The following NKPD1 variants were observed in gnomAD, a reference collection of about 807,000 sequenced individuals.
NKPD1 encodes NTPase KAP family P-loop domain containing 1, also known as NTPase KAP family P-loop domain-containing protein 1.
In NKPD1, 37 loss-of-function variants were observed where a neutral mutation model predicts 42.2. That is an observed-to-expected ratio of 0.88 (90% CI 0.67 to 1.15). The LOEUF is 1.15. NKPD1 is among the 50% of genes most tolerant of loss of function. The pLI is 0.00. For synonymous variants in NKPD1, 552 were observed against 536.5 expected (o/e 1.03, Z -0.40); for missense variants, 1,113 against 1,174.6 (o/e 0.95, Z 0.77).
Position 45,152,092 on chromosome 19 carries a change from C to T in NKPD1, c.2345G>A (p.Arg782Gln). The T allele has an allele frequency of 6.2e-7, 1 of 1,606,178 alleles. No homozygotes were observed. The stretch of plus-strand genomic sequence containing the variant: ...GGGCGCCCTGGAGGCGCTGTTGGCC[C>T]GGTGGGCAGCGTGGGGGGTATCGCG... ...PTRDTPHAAHRANSASRAPPS... is the reference protein window; with the variant it reads ...PTRDTPHAAHQANSASRAPPS... The change falls in exon 5 of 5, where the codon CGG becomes CAG. Residue 782 changes from arginine to glutamine, a missense_variant. Physicochemically the swap from Arg to Gln is conservative, Grantham distance 43. Transcript: ENST00000686631.
chr19:45,151,863 C>G lies in NKPD1; in HGVS notation c.*75G>C. On this transcript the variant is annotated 3_prime_UTR_variant, in exon 5 of 5. Transcript: ENST00000686631. ...CTCATTCGGACCCTGGGTTGCGGCCCCAGTCCAGCCCCCTATTCTCCCATC... is the reference window on the plus strand; with the variant it reads ...CTCATTCGGACCCTGGGTTGCGGCCGCAGTCCAGCCCCCTATTCTCCCATC... The G allele has an allele frequency of 7.1e-7, 1 of 1,416,086 alleles. No homozygotes were observed. The highest frequency in any genetic ancestry group is 1.5e-5 in the South Asian group (1 of 65,378). 87.7% of individuals were successfully genotyped at this position (1,416,086 alleles called of 1,614,324 possible).
Position 45,160,100 on chromosome 19 carries a change from G to C in NKPD1, c.51C>G (p.Asn17Lys), listed in dbSNP as rs552095695. 7.7e-7 allele frequency: 1 copy of C among 1,304,920 alleles called. No individual in the cohort carries two copies. Among genetic ancestry groups the C allele is most frequent in the South Asian group, 1.2e-5 (1 of 80,946 alleles). The allele number at this position is 1,304,920 out of a possible 1,614,324, so 80.8% of individuals were successfully genotyped here. ...VHFAKDAQSP[N>K]GHYFWDPELG... ...ACTCTGGGTCCCAGAAGTAGTGCCC[G>C]TTGGGGCTCTGGGCATCCTTGGCGA... Residue 17 changes from asparagine (N) to lysine (K), a missense_variant, in exon 2 of 5, where the codon AAC becomes AAG. This residue lies in a region of NKPD1 where 204 missense variants were observed against 227.8 expected (regional missense o/e 0.90). Coordinates refer to ENST00000686631, the MANE Select transcript of NKPD1 (RefSeq NM_198478.4).
chr19:45,152,428 GC>G lies in NKPD1; in HGVS notation c.2008del (p.Ala670ArgfsTer35). 1 of 1,565,660 alleles carries G rather than the reference GC, an allele frequency of 6.4e-7. No homozygotes were observed. On this transcript the variant is annotated frameshift_variant, in exon 5 of 5. Coordinates refer to ENST00000686631, the MANE Select transcript of NKPD1 (RefSeq NM_198478.4). LOFTEE classifies it low-confidence loss of function (END_TRUNC). ...CTGCCGGTCCTCCAGGCACTGCAGC[GC>G]CCAGCTCAGGCGGCACGGCCACTGG... ...ANQWPCRLSW[A>X]LQCLEDRQQT...
In NKPD1 at chr19:45,155,852, G is replaced by GA; in HGVS notation, c.593dup (p.Val200CysfsTer83). The GA allele has an allele frequency of 2.3e-6, 3 of 1,305,380 alleles. No individual in the cohort carries two copies. Among genetic ancestry groups the GA allele is most frequent in the Non-Finnish European group, 3.0e-6 (3 of 988,914 alleles). The allele number at this position is 1,305,380 out of a possible 1,614,324, so 80.9% of individuals were successfully genotyped here. On this transcript the variant is annotated frameshift_variant, in exon 4 of 5. Coordinates refer to ENST00000686631, the MANE Select transcript of NKPD1 (RefSeq NM_198478.4). LOFTEE classifies it high-confidence loss of function. ...GGGCATAGAAACCCACGGTCACAGGGACCGGCACGTGGCAGAGTGTCTTGG... is the reference window on the plus strand; with the variant it reads ...GGGCATAGAAACCCACGGTCACAGGGAACCGGCACGTGGCAGAGTGTCTTGG...
At position 45,152,273 on chromosome 19, in the gene NKPD1, C is replaced by G. The variant is rs760952743; in HGVS notation, c.2164G>C (p.Glu722Gln). 1.2e-6 allele frequency: 2 copies of G among 1,609,988 alleles called. No individual in the cohort carries two copies. The highest frequency in any genetic ancestry group is 1.7e-6 in the Non-Finnish European group (2 of 1,178,816). The change falls in exon 5 of 5, where the codon GAG becomes CAG. Residue 722 changes from glutamate to glutamine, a missense_variant. By Grantham distance (29) the Glu-to-Gln change is conservative (BLOSUM62 2). Transcript: ENST00000686631. Reference sequence around the variant, plus strand: ...GGGAAGTCGGCGCCCAGGAAGCGCTCGAAGAGCTCGGGGTCGCCGTCCAGG... The same window carrying G: ...GGGAAGTCGGCGCCCAGGAAGCGCTGGAAGAGCTCGGGGTCGCCGTCCAGG... ...LDLDGDPELF[E>Q]RFLGADFPFT...
upstream of NKPD1, among the ~76,000 whole-genome samples, chr19:45,161,845 G>A (rs1969011769): frequency 6.6e-6 from 1 of 152,218 alleles, no homozygotes; most frequent in Non-Finnish European, 1.5e-5. Flanking sequence ...GACAGACGGG[G>A]TGCTCCGATG....
Position 45,158,774 on chromosome 19 carries a change from C to A in NKPD1, c.418G>T (p.Gly140Cys), listed in dbSNP as rs1386807101. The change falls in exon 3 of 5, where the codon GGC becomes TGC. Residue 140 changes from glycine to cysteine, a missense_variant. Physicochemically the swap from Gly to Cys is radical, Grantham distance 159. Around this residue, in one of 3 missense-constraint regions of NKPD1, gnomAD observed 204 missense variants for 227.8 expected, o/e 0.90. Coordinates refer to ENST00000686631, the MANE Select transcript of NKPD1 (RefSeq NM_198478.4). The surrounding 1 kb of genome is among the most constrained non-coding windows in gnomAD (Gnocchi z 4.6). ...CCAGCCGCGGAGGGTAGAGCTGGGC[C>A]ACTCCTGGCCATGGCTGGTGCCGTG... is the stretch of plus-strand genomic sequence containing the variant. Reference protein sequence around the residue: ...PTTAPAMARSGPALPSAAGVL... With the variant: ...PTTAPAMARSCPALPSAAGVL... 2.4e-6 allele frequency: 3 copies of A among 1,237,880 alleles called. No homozygotes were observed. The highest frequency in any genetic ancestry group is 3.1e-6 in the Non-Finnish European group (3 of 958,314). The allele number at this position is 1,237,880 out of a possible 1,614,324, so 76.7% of individuals were successfully genotyped here.
chr19:45,158,848 G>A lies in NKPD1; in HGVS notation c.344C>T (p.Thr115Ile), dbSNP rs1489643475. 4.7e-6 allele frequency: 6 copies of A among 1,283,698 alleles called. No individual in the cohort carries two copies. Among genetic ancestry groups the A allele is most frequent in the Non-Finnish European group, 6.1e-6 (6 of 979,168 alleles). The allele number at this position is 1,283,698 out of a possible 1,614,324, so 79.5% of individuals were successfully genotyped here. A position where few individuals can be genotyped will look rare whatever the true frequency, so the allele number is the denominator to read the frequency against. Residue 115 changes from threonine to isoleucine, a missense_variant, in exon 3 of 5, where the codon ACT becomes ATT. Coordinates refer to ENST00000686631, the MANE Select transcript of NKPD1 (RefSeq NM_198478.4). The surrounding 1 kb of genome is among the most constrained non-coding windows in gnomAD (Gnocchi z 4.6). Reference sequence around the variant, plus strand: ...GGCGCTGGCAGGTTCCTTGGGGACAGTGGAGGTTGCAGGCAGCCCCTTCTG... The same window carrying A: ...GGCGCTGGCAGGTTCCTTGGGGACAATGGAGGTTGCAGGCAGCCCCTTCTG... ...EAQKGLPATS[T>I]VPKEPASAPQ...
Position 45,152,225 on chromosome 19 carries a change from T to C in NKPD1, c.2212A>G (p.Ser738Gly). Residue 738 changes from serine (S) to glycine (G), a missense_variant, in exon 5 of 5, where the codon AGC becomes GGC. Ser to Gly is a moderately conservative substitution (Grantham distance 56, BLOSUM62 0). Transcript: ENST00000686631. ...AGGTTGACCGTGCAGCGCAGCAGGC[T>C]CTGCGCCTCGGCCACGGTGAAGGGG... ...DFPFTVAEAQ[S>G]LLRCTVNLDH... 6.2e-7 allele frequency: 1 copy of C among 1,604,030 alleles called. No homozygotes were observed. The highest frequency in any genetic ancestry group is 8.5e-7 in the Non-Finnish European group (1 of 1,176,352).
In NKPD1 at chr19:45,152,216, G is replaced by A. The variant is rs753849497; in HGVS notation, c.2221C>T (p.Arg741Cys). Residue 741 changes from arginine to cysteine, a missense_variant, in exon 5 of 5, where the codon CGC (arginine) becomes TGC (cysteine). By Grantham distance (180) the Arg-to-Cys change is radical (BLOSUM62 -3). Around this residue, in one of 3 missense-constraint regions of NKPD1, gnomAD observed 867 missense variants for 870.1 expected, o/e 1.00. Transcript: ENST00000686631. ...GAGTGGTCCAGGTTGACCGTGCAGC[G>A]CAGCAGGCTCTGCGCCTCGGCCACG... is the stretch of plus-strand genomic sequence containing the variant. ...FTVAEAQSLL[R>C]CTVNLDHSIR... The A allele has an allele frequency of 2.5e-6, 4 of 1,601,734 alleles. No homozygotes were observed. Among genetic ancestry groups the A allele is most frequent in the Non-Finnish European group, 3.4e-6 (4 of 1,175,410 alleles).
chr19:45,153,586 C>G lies in NKPD1; in HGVS notation c.851G>C (p.Trp284Ser). The G allele has an allele frequency of 6.4e-7, 1 of 1,565,946 alleles. No individual in the cohort carries two copies. The highest frequency in any genetic ancestry group is 8.7e-7 in the Non-Finnish European group (1 of 1,152,894). ...CAGCTTGTCGGTGCCCGCGTACTGCCAGGCGCTAAAGCGGATGAAAAGGAA... is the reference window on the plus strand; with the variant it reads ...CAGCTTGTCGGTGCCCGCGTACTGCGAGGCGCTAAAGCGGATGAAAAGGAA... ...VQFLFIRFSA[W>S]QYAGTDKLWA... is the part of the protein sequence containing the mutation. The change falls in exon 5 of 5, where the codon TGG becomes TCG. Residue 284 changes from tryptophan (W) to serine (S), a missense_variant. By Grantham distance (177) the Trp-to-Ser change is radical (BLOSUM62 -3). Coordinates refer to ENST00000686631, the MANE Select transcript of NKPD1 (RefSeq NM_198478.4).
At position 45,152,719 on chromosome 19, in the gene NKPD1, A is replaced by G. The variant is rs766991449; in HGVS notation, c.1718T>C (p.Leu573Pro). The G allele has an allele frequency of 1.3e-6, 2 of 1,571,570 alleles. No homozygotes were observed. Among genetic ancestry groups the G allele is most frequent in the Non-Finnish European group, 8.6e-7 (1 of 1,163,006 alleles). Residue 573 changes from leucine (L) to proline (P), a missense_variant, in exon 5 of 5, where the codon CTG (leucine) becomes CCG (proline). Physicochemically the swap from Leu to Pro is moderately conservative, Grantham distance 98. Around this residue, in one of 3 missense-constraint regions of NKPD1, gnomAD observed 867 missense variants for 870.1 expected, o/e 1.00. Coordinates refer to ENST00000686631, the MANE Select transcript of NKPD1 (RefSeq NM_198478.4). The stretch of plus-strand genomic sequence containing the variant: ...CCCCGCCTGCGCCTGCACCGCCAGC[A>G]GCTGCGCGCTCTCGCCCCCGGCGTC... ...PGDAGGESAQ[L>P]LAVQAQAGTE...
rs745469132 is a variant in NKPD1 at position 45,159,047 on chromosome 19, A to G, written c.145T>C (p.Cys49Arg). 5 of 1,300,376 alleles carry G rather than the reference A, an allele frequency of 3.8e-6. No homozygotes were observed. Among genetic ancestry groups the G allele is most frequent in the Admixed American group, 4.7e-5 (2 of 42,762 alleles). 80.6% of individuals were successfully genotyped at this position (1,300,376 alleles called of 1,614,324 possible). ...CAGTGTGATTGGGGGGAAGGCCGAC[A>G]GGGCCCATGGGCTCGGAGGGCCGCT... Reference protein sequence around the residue: ...DSAALRAHGPCRPSPQSHWQL... With the variant: ...DSAALRAHGPRRPSPQSHWQL... The change falls in exon 3 of 5, where the codon TGT (cysteine) becomes CGT (arginine). Residue 49 changes from cysteine to arginine, a missense_variant. This residue lies in a region of NKPD1 where 204 missense variants were observed against 227.8 expected (regional missense o/e 0.90). Coordinates refer to ENST00000686631, the MANE Select transcript of NKPD1 (RefSeq NM_198478.4).
intron 4 of NKPD1, 112 bp from the exon 5 acceptor site, chr19:45,153,887 G>A (rs920078755): frequency 3.5e-6 from 4 of 1,133,796 alleles, no homozygotes; most frequent in Non-Finnish European, 4.6e-6. Context: ...CCCAGCAGAG[G>A]CGAGGGGCTG....
rs1185949059 is a variant in NKPD1 at position 45,155,776 on chromosome 19, G to A, written c.661+9C>T. 8 of 1,298,324 alleles carry A rather than the reference G, an allele frequency of 6.2e-6. No individual in the cohort carries two copies. The highest frequency in any genetic ancestry group is 8.1e-6 in the Non-Finnish European group (8 of 983,256). The allele number at this position is 1,298,324 out of a possible 1,614,324, so 80.4% of individuals were successfully genotyped here. On this transcript the variant is annotated intron_variant, in intron 4 of 4. Transcript: ENST00000686631. ...ATCCTCCCCCCAACAAACACACACA[G>A]CTCCTCACCCGTGATCTTGTCCAGC...
intron 2 of NKPD1, 82 bp downstream of exon 2, chr19:45,159,978 G>C: frequency 2.7e-6 from 2 of 746,800 alleles, no homozygotes; most frequent in South Asian, 3.3e-5. Flanking sequence ...GGGGATGACA[G>C]CTCCCCTTCT....
Position 45,152,771 on chromosome 19 carries a change from T to A in NKPD1, c.1666A>T (p.Met556Leu). 6.3e-7 allele frequency: 1 copy of A among 1,598,590 alleles called. No individual in the cohort carries two copies. Among genetic ancestry groups the A allele is most frequent in the Non-Finnish European group, 8.5e-7 (1 of 1,174,244 alleles). The change falls in exon 5 of 5, where the codon ATG (methionine) becomes TTG (leucine). Residue 556 changes from methionine to leucine, a missense_variant. Met to Leu is a conservative substitution (Grantham distance 15). Transcript: ENST00000686631. ...QSRDDLLYRE[M>L]TRKPWLPGDA... ...CCCGGCAGCCACGGCTTGCGCGTCA[T>A]CTCGCGGTACAACAGGTCGTCGCGG...
rs752034506 is a variant in NKPD1 at position 45,153,725 on chromosome 19, C to G, written c.712G>C (p.Val238Leu). 23 of 1,523,744 alleles carry G rather than the reference C, an allele frequency of 1.5e-5. No homozygotes were observed. The highest frequency in any genetic ancestry group is 1.9e-5 in the Non-Finnish European group (22 of 1,128,836). The allele number at this position is 1,523,744 out of a possible 1,614,324, so 94.4% of individuals were successfully genotyped here. Residue 238 changes from valine to leucine, a missense_variant, in exon 5 of 5, where the codon GTG becomes CTG. Physicochemically the swap from Val to Leu is conservative, Grantham distance 32 (BLOSUM62 1). This residue lies in a region of NKPD1 where 867 missense variants were observed against 870.1 expected (regional missense o/e 1.00). Coordinates refer to ENST00000686631, the MANE Select transcript of NKPD1 (RefSeq NM_198478.4). ...AQRESEELQH[V>L]QWRPRAVSGW... ...CTCACGGCACGCGGCCGCCACTGCA[C>G]GTGCTGCAGCTCCTCGCTCTCGCGC...
At position 45,152,343 on chromosome 19, in the gene NKPD1, G is replaced by A. The variant is rs75611788; in HGVS notation, c.2094C>T (p.Ser698=). The part of the protein sequence containing the change: ...ARLWDVFRDN[S]RELHTMTKAL... ...CCTTGGTCATGGTGTGCAGCTCGCG[G>A]CTGTTGTCGCGGAAAACGTCCCAGA... Residue 698 remains serine (S), a synonymous_variant, in exon 5 of 5, where the codon AGC becomes AGT. Coordinates refer to ENST00000686631, the MANE Select transcript of NKPD1 (RefSeq NM_198478.4). 2,823 of 1,604,944 alleles carry A rather than the reference G, an allele frequency of 1.8e-3. 45 individuals are homozygous for A. The African/African-American group carries it at 0.033, about 19-fold the overall frequency.
Sources: gnomAD v4.1 joint callset for allele counts (sites outside exome capture counted in the v4.1 genomes callset) on GRCh38, gnomAD v4.1.1 for gene constraint, gnomAD v4.1.1 regional missense constraint, Gnocchi (gnomAD v3.1) non-coding constraint, MANE v1.5 for transcripts, NCBI Gene and HGNC (gene_info 2026-07-23, HGNC 2026-07-21) for gene names.